The following PRELID2 variants were observed in gnomAD, a reference collection of about 807,000 sequenced individuals.
PRELID2 encodes PRELI domain-containing protein 2.
A neutral mutation model predicts 28.4 loss-of-function variants in PRELID2; 25 were observed. The ratio of observed to expected loss-of-function variants is 0.88; its 90% CI spans 0.64 to 1.23. The LOEUF is 1.23. Among genes scored for constraint, PRELID2 ranks in the 50% most tolerant of loss-of-function variants. The pLI, the probability that PRELID2 is intolerant of heterozygous loss-of-function variation, is 0.00. For synonymous variants in PRELID2, 76 were observed against 71.6 expected (o/e 1.06, Z -0.31); for missense variants, 201 against 214.4 (o/e 0.94, Z 0.39).
intron 1 of PRELID2, among the ~76,000 whole-genome samples, chr5:145,743,705 C>T (rs568127239): frequency 2.0e-5 from 3 of 152,266 alleles, no homozygotes; most frequent in East Asian, 3.9e-4. Flanking sequence ...ATCCCACTGG[C>T]GAAACCACGC....
chr5:145,632,661 A>C (rs1753948725), intron 1 of PRELID2, among the ~76,000 whole-genome samples: 1 of 152,170 alleles, frequency 6.6e-6, no homozygotes, highest in South Asian at 2.1e-4. Flanking sequence ...GACTGGAAAA[A>C]TTCTAAGGCA....
Position 145,665,181 on chromosome 5 carries a change from A to G in PRELID2, n.70+99750T>C, listed in dbSNP as rs562746339. On this transcript the variant is annotated intron_variant and non_coding_transcript_variant, in intron 1 of 2. Transcript: ENST00000510259. Reference sequence around the variant, plus strand: ...AGAAGAGTTTTAACTCTACAATACAACCTAAGAATCTAAAGCAAGAGTCAA... The same window carrying G: ...AGAAGAGTTTTAACTCTACAATACAGCCTAAGAATCTAAAGCAAGAGTCAA... 5.9e-5 allele frequency among the ~76,000 whole-genome samples: 9 copies of G among 152,160 alleles called. No homozygotes were observed. The South Asian group carries it at 1.9e-3, about 32-fold the overall frequency.
At chr5:145,808,975 T>C (rs911719372) in intron 4 of PRELID2, among the ~76,000 whole-genome samples, 1 of 151,668 alleles carries the variant, frequency 6.6e-6, no homozygotes, top group Non-Finnish European at 1.5e-5. Context: ...TTTTACTATA[T>C]TCCACGAGGG....
rs149562536 is a variant in PRELID2, at chr5:145,721,537, AT to A, written n.70+43393del. ...ATCATATAGAGAAACAGAAAATGTA[AT>A]AAAATCACATAGTAATTTTATAAAA... On this transcript the variant is annotated intron_variant and non_coding_transcript_variant, in intron 1 of 2. Transcript: ENST00000510259. Among the ~76,000 whole-genome samples the A allele has an allele frequency of 6.3e-4, 96 of 152,328 alleles. No homozygotes were observed. In the East Asian group the frequency reaches 0.017, roughly 26 times the overall value.
chr5:145,504,568 T>C (rs1358634245), intron 1 of PRELID2, among the ~76,000 whole-genome samples: 1 of 152,196 alleles, frequency 6.6e-6, no homozygotes, highest in African/African-American at 2.4e-5. Context: ...CGTGGGGTCA[T>C]GAACACTTGA....
the PRELID2 span, among the ~76,000 whole-genome samples, chr5:145,390,278 G>C: frequency 1.5e-4 from 23 of 152,274 alleles, no homozygotes; most frequent in African/African-American, 4.8e-4. Context: ...TAGTGTATTA[G>C]TCCATTCTCA....
intron 1 of PRELID2, among the ~76,000 whole-genome samples, chr5:145,560,497 A>T (rs1307095585): frequency 6.6e-6 from 1 of 152,148 alleles, no homozygotes; most frequent in Admixed American, 6.5e-5. Context: ...CCTTAATATC[A>T]CACGTGCTGC....
the PRELID2 span, among the ~76,000 whole-genome samples, chr5:145,452,150 T>C: frequency 4.6e-5 from 7 of 152,242 alleles, no homozygotes; most frequent in South Asian, 1.2e-3. Flanking sequence ...ACCTTGCCCC[T>C]TTAATCCATT....
intron 1 of PRELID2, among the ~76,000 whole-genome samples, chr5:145,519,548 T>C (rs1229511461): frequency 6.6e-6 from 1 of 152,198 alleles, no homozygotes; most frequent in Non-Finnish European, 1.5e-5. Context: ...TAACTTGCCT[T>C]ACCTATAAAA....
At chr5:145,241,108 T>C in the PRELID2 span, among the ~76,000 whole-genome samples, 1 of 152,048 alleles carries the variant, frequency 6.6e-6, no homozygotes, top group Admixed American at 6.6e-5. Flanking sequence ...CACAGAACAG[T>C]ACCTGGCACA....
chr5:145,686,249 G>A (rs1755036645), intron 1 of PRELID2, among the ~76,000 whole-genome samples: 1 of 152,110 alleles, frequency 6.6e-6, no homozygotes, highest in African/African-American at 2.4e-5. Context: ...CCTGTAGGTA[G>A]GGACCACATC....
intron 5 of PRELID2, among the ~76,000 whole-genome samples, chr5:145,766,620 C>T (rs535402428): frequency 6.6e-5 from 10 of 152,190 alleles, no homozygotes; most frequent in Non-Finnish European, 4.4e-5. Context: ...ATTACTGGAT[C>T]TTGAGAGAAT....
chr5:145,369,308 G>T, the PRELID2 span, among the ~76,000 whole-genome samples: 2 of 152,102 alleles, frequency 1.3e-5, no homozygotes, highest in East Asian at 3.9e-4. Context: ...GGTGTGTGTT[G>T]TTTCCCTCAC....
At chr5:145,647,889 T>C (rs558033951) in intron 1 of PRELID2, among the ~76,000 whole-genome samples, 1 of 152,056 alleles carries the variant, frequency 6.6e-6, no homozygotes, top group Non-Finnish European at 1.5e-5. Flanking sequence ...CAAGTCCCAA[T>C]GAGATGAACT....
the PRELID2 span, among the ~76,000 whole-genome samples, chr5:145,411,494 G>A: frequency 1.3e-5 from 2 of 152,286 alleles, no homozygotes; most frequent in African/African-American, 2.4e-5. Context: ...ACACACTGAT[G>A]CAACAATTGA....
At chr5:145,794,579 A>G (rs1390987401) in intron 5 of PRELID2, among the ~76,000 whole-genome samples, 1 of 152,126 alleles carries the variant, frequency 6.6e-6, no homozygotes, top group Non-Finnish European at 1.5e-5. Flanking sequence ...TTTAGCCCAC[A>G]CTTAGCACAG....
At chr5:145,256,176 T>C in the PRELID2 span, among the ~76,000 whole-genome samples, 2 of 152,076 alleles carry the variant, frequency 1.3e-5, no homozygotes, top group Non-Finnish European at 2.9e-5. Flanking sequence ...AGCTTCTAGA[T>C]AATGTTCCCA....
chr5:145,233,068 T>G, the PRELID2 span, among the ~76,000 whole-genome samples: 3 of 152,066 alleles, frequency 2.0e-5, no homozygotes, highest in Admixed American at 1.3e-4. Context: ...CCATTTGTTA[T>G]GTATTTAATA....
intron 1 of PRELID2, among the ~76,000 whole-genome samples, chr5:145,570,293 G>A (rs543226637): frequency 1.3e-5 from 2 of 152,190 alleles, no homozygotes; most frequent in East Asian, 3.9e-4. Context: ...CTCCAGAACA[G>A]AGGTACTCAC....
Sources: gnomAD v4.1 joint callset for allele counts (sites outside exome capture counted in the v4.1 genomes callset) on GRCh38, gnomAD v4.1.1 for gene constraint, MANE v1.5 for transcripts, NCBI Gene and HGNC (gene_info 2026-07-23, HGNC 2026-07-21) for gene names.